The following TXNRD2 variants were observed in gnomAD, a reference collection of about 807,000 sequenced individuals.
TXNRD2 encodes thioredoxin reductase 2.
TXNRD2 carries 67 observed loss-of-function variants against 70.8 expected under a neutral mutation model. That is an observed-to-expected ratio of 0.95 (90% CI 0.78 to 1.16). TXNRD2 has a LOEUF of 1.16. Ranked by LOEUF, TXNRD2 falls within the 50% of genes most tolerant of loss-of-function variation. TXNRD2 has a pLI of 0.00. For missense variants in TXNRD2, 644 were observed against 719.9 expected, an observed-to-expected ratio of 0.89 and a Z score of 1.21; for synonymous variants, 301 against 295.8, an observed-to-expected ratio of 1.02 and a Z score of -0.18.
intron 2 of TXNRD2, among the ~76,000 whole-genome samples, chr22:19,929,490 C>T (rs5748478): frequency 0.62 from 94,503 of 151,830 alleles, 29,906 homozygotes; most frequent in African/African-American, 0.72. Flanking sequence ...AGAACAAGAC[C>T]CTGTCTCCAA....
At chr22:19,915,743 C>T (rs62222133) in intron 6 of TXNRD2, 22 bp downstream of exon 6, 15 of 1,613,066 alleles carry the variant, frequency 9.3e-6, no homozygotes, top group African/African-American at 6.7e-5. Context: ...CAAGGAGCCA[C>T]GCGAGTAAGT....
chr22:19,933,389 C>T lies in TXNRD2; in HGVS notation c.104-2291G>A, dbSNP rs1020936078. ...CTGCTGATGGAGAAGCATCTCTCTC[C>T]TCCAGCTGCCTGGTAGCCGGAAGCT... is the stretch of plus-strand genomic sequence containing the variant. On this transcript the variant is annotated intron_variant, in intron 1 of 17. Transcript: ENST00000400521. The T allele has an allele frequency of 9.6e-6, 12 of 1,249,300 alleles. No individual in the cohort carries two copies. In the African/African-American group the frequency reaches 1.7e-4, roughly 18 times the overall value. 77.4% of individuals were successfully genotyped at this position (1,249,300 alleles called of 1,614,324 possible).
intron 8 of TXNRD2, among the ~76,000 whole-genome samples, chr22:19,905,449 C>T (rs1328345359): frequency 6.6e-6 from 1 of 152,124 alleles, no homozygotes; most frequent in Non-Finnish European, 1.5e-5. Context: ...TGCAGAGGAG[C>T]GCTCCCCAAG....
At chr22:19,904,035 G>A (rs1168132039) in intron 8 of TXNRD2, among the ~76,000 whole-genome samples, 1 of 152,238 alleles carries the variant, frequency 6.6e-6, no homozygotes, top group African/African-American at 2.4e-5. Context: ...GCTGGCACAA[G>A]GCGGGCATCT....
chr22:19,903,482 C>T (rs959528932), intron 8 of TXNRD2, among the ~76,000 whole-genome samples: 7 of 152,208 alleles, frequency 4.6e-5, no homozygotes, highest in African/African-American at 7.2e-5. Flanking sequence ...AGGGAGAAGA[C>T]GAAGCCCAGG....
At chr22:19,926,839 G>A (rs1327766282) in intron 2 of TXNRD2, among the ~76,000 whole-genome samples, 4 of 152,172 alleles carry the variant, frequency 2.6e-5, no homozygotes, top group East Asian at 3.8e-4. Context: ...ACACATCCAC[G>A]GATATAGGAA....
At chr22:19,894,825 T>A in intron 11 of TXNRD2, 1 of 404,068 alleles carries the variant, frequency 2.5e-6, no homozygotes, top group Non-Finnish European at 4.4e-6. Context: ...CCGTCTCTAC[T>A]AAAAATACAA....
intron 1 of TXNRD2, among the ~76,000 whole-genome samples, chr22:19,931,733 C>T (rs893745566): frequency 2.2e-4 from 33 of 152,054 alleles, no homozygotes; most frequent in Admixed American, 7.9e-4. Flanking sequence ...AAACACCTGG[C>T]CTCAAGCAAT....
Position 19,911,466 on chromosome 22 carries a change from C to A in TXNRD2, c.592-19G>T, listed in dbSNP as rs767931204. 5.0e-6 allele frequency: 8 copies of A among 1,606,370 alleles called. No homozygotes were observed. Among genetic ancestry groups the A allele is most frequent in the Non-Finnish European group, 6.8e-6 (8 of 1,173,238 alleles). On this transcript the variant is annotated intron_variant, in intron 7 of 17. Coordinates refer to ENST00000400521, the MANE Select transcript of TXNRD2 (RefSeq NM_006440.5). ...CTTCGATCTGTCAAGACAGAAATGACCCCTTGGACAAGAGCTCCATTTGGC... is the reference window on the plus strand; with the variant it reads ...CTTCGATCTGTCAAGACAGAAATGAACCCTTGGACAAGAGCTCCATTTGGC...
In TXNRD2 at chr22:19,890,941, T is replaced by C. The variant is rs1015472; in HGVS notation, c.949+4466A>G. On this transcript the variant is annotated intron_variant, in intron 11 of 17. Transcript: ENST00000400521. ...TGGGCACCGCCAGCCCCCATCATCA[T>C]CTCCTGGGCACCCCAGTCTCTCTGG... is the stretch of plus-strand genomic sequence containing the variant. Among the ~76,000 whole-genome samples the C allele has an allele frequency of 4.2e-3, 642 of 152,026 alleles. 10 individuals are homozygous for C. Among genetic ancestry groups the C allele is most frequent in the Admixed American group, 0.037 (566 of 15,278 alleles).
At chr22:19,918,033 C>T in intron 5 of TXNRD2, 110 bp downstream of exon 5, 1 of 958,080 alleles carries the variant, frequency 1.0e-6, no homozygotes, top group Non-Finnish European at 1.7e-6. Flanking sequence ...GACATGAACC[C>T]CCAGAGCCTG....
intron 1 of TXNRD2, chr22:19,932,517 G>A (rs1411364489): frequency 5.1e-6 from 8 of 1,562,260 alleles, no homozygotes; most frequent in South Asian, 2.3e-5. Context: ...GGAGGAAGTA[G>A]AGAGGGGAAG....
Position 19,898,059 on chromosome 22 carries a change from G to C in TXNRD2, c.754C>G (p.Pro252Ala). The change falls in exon 10 of 18, where the codon CCC becomes GCC. Residue 252 changes from proline to alanine, a missense_variant. Pro to Ala is a conservative substitution (Grantham distance 27). This residue lies in a region of TXNRD2 where 566 missense variants were observed against 645.0 expected (regional missense o/e 0.88). Coordinates refer to ENST00000400521, the MANE Select transcript of TXNRD2 (RefSeq NM_006440.5). ...ACTACCTGGTCGAAGCCGCGGAGGG[G>C]GATGCTGCGCATCATGATGGTGGTG... ...LDTTIMMRSI[P>A]LRGFDQQMSS... is the part of the protein sequence containing the mutation. 6.4e-7 allele frequency: 1 copy of C among 1,560,538 alleles called. No individual in the cohort carries two copies. The highest frequency in any genetic ancestry group is 8.7e-7 in the Non-Finnish European group (1 of 1,152,812).
At chr22:19,882,373 A>AT (rs993401717) in intron 12 of TXNRD2, among the ~76,000 whole-genome samples, 24 of 152,082 alleles carry the variant, frequency 1.6e-4, no homozygotes, top group African/African-American at 4.1e-4. Context: ...TAATTTTTGT[A>AT]TTTTTTTAGT....
chr22:19,876,856 T>C lies in TXNRD2; in HGVS notation c.*65+184A>G, dbSNP rs146287781. ...GGGGTCTGGGGTCCCCCGGGGAGGT[T>C]TGGGCCCCTGGGAACTTCCCCTTCT... On this transcript the variant is annotated intron_variant, in intron 17 of 17. Transcript: ENST00000400521. 77 of 412,438 alleles carry C rather than the reference T, an allele frequency of 1.9e-4. 1 individual carries two copies. The highest frequency in any genetic ancestry group is 1.2e-3 in the African/African-American group (61 of 49,974). The allele number at this position is 412,438 out of a possible 1,614,324, so 25.5% of individuals were successfully genotyped here.
intron 1 of TXNRD2, among the ~76,000 whole-genome samples, chr22:19,937,552 C>T (rs1050671544): frequency 1.3e-5 from 2 of 152,170 alleles, no homozygotes; most frequent in African/African-American, 4.8e-5. Context: ...GTGTTGCCTG[C>T]ATATATTAAA....
At chr22:19,900,384 A>T (rs549426734) in intron 8 of TXNRD2, among the ~76,000 whole-genome samples, 1 of 152,364 alleles carries the variant, frequency 6.6e-6, no homozygotes, top group African/African-American at 2.4e-5. Flanking sequence ...ACGGAAGTGC[A>T]CTTCCAAAAT....
intron 11 of TXNRD2, chr22:19,883,679 C>T (rs911441543): frequency 9.3e-5 from 57 of 612,324 alleles, no homozygotes; most frequent in Non-Finnish European, 1.2e-4. Context: ...CTCAGCCAGG[C>T]GTGATGGCTC....
At chr22:19,909,793 AC>A (rs1940282544) in intron 8 of TXNRD2, among the ~76,000 whole-genome samples, 1 of 101,650 alleles carries the variant, frequency 9.8e-6, no homozygotes, top group Non-Finnish European at 1.9e-5. Flanking sequence ...CCACACACAC[AC>A]CACTCACACA....
Sources: allele counts gnomAD v4.1 joint callset (sites outside exome capture counted in the v4.1 genomes callset), GRCh38; gene constraint gnomAD v4.1.1; regional missense constraint gnomAD v4.1.1; transcripts MANE v1.5; gene names NCBI Gene and HGNC (gene_info 2026-07-23, HGNC 2026-07-21).